RGS7: variants seen among roughly 807,000 people sequenced by gnomAD.
RGS7 encodes the protein regulator of G-protein signaling 7.
Under a neutral mutation model 81.1 loss-of-function variants are expected in RGS7, and 27 were observed. The ratio of observed to expected loss-of-function variants is 0.33; its 90% CI spans 0.25 to 0.46. The LOEUF is 0.46. RGS7 is among the 20% of genes least tolerant of loss of function. RGS7 has a pLI of 1.00. For missense variants in RGS7, 396 were observed against 607.4 expected, an observed-to-expected ratio of 0.65 and a Z score of 3.66; for synonymous variants, 208 against 207.7, an observed-to-expected ratio of 1.00 and a Z score of -0.01.
intron 6 of RGS7, among the ~76,000 whole-genome samples, chr1:240,872,526 A>C (rs183768462): frequency 1.3e-5 from 2 of 152,380 alleles, no homozygotes; most frequent in Non-Finnish European, 2.9e-5. Context: ...CAGTGTACAG[A>C]ATAATCTGGT....
intron 6 of RGS7, among the ~76,000 whole-genome samples, chr1:240,908,186 C>T (rs963321415): frequency 3.6e-5 from 4 of 109,732 alleles, no homozygotes; most frequent in African/African-American, 7.6e-5. Flanking sequence ...CATCACACAC[C>T]GGGGCCTGTC....
chr1:241,161,199 A>G (rs1257434093), intron 2 of RGS7, among the ~76,000 whole-genome samples: 1 of 152,194 alleles, frequency 6.6e-6, no homozygotes, highest in Admixed American at 6.5e-5. Context: ...TGAGGGAACT[A>G]AGCCAGGAGA....
intron 3 of RGS7, among the ~76,000 whole-genome samples, chr1:240,989,867 G>C (rs1480600095): frequency 1.3e-5 from 2 of 152,118 alleles, no homozygotes; most frequent in Non-Finnish European, 2.9e-5. Context: ...GAACTAAAGG[G>C]AAAGGATGTA....
chr1:240,801,380 A>C, intron 17 of RGS7, 75 bp downstream of exon 17: 1 of 928,986 alleles, frequency 1.1e-6, no homozygotes, highest in Non-Finnish European at 1.7e-6. Flanking sequence ...GGTGGGTAAC[A>C]GGGCTAGAAA....
intron 2 of RGS7, chr1:241,305,860 GC>G: frequency 3.2e-6 from 1 of 308,116 alleles, no homozygotes; most frequent in South Asian, 2.7e-5. Flanking sequence ...CTTTGTTGAG[GC>G]CCACGGCCAT....
At chr1:241,307,408 T>G (rs2080243632) in intron 2 of RGS7, among the ~76,000 whole-genome samples, 3 of 152,248 alleles carry the variant, frequency 2.0e-5, no homozygotes, top group African/African-American at 7.2e-5. Flanking sequence ...CAGGCTTTTT[T>G]GAGTGCATCA....
At chr1:240,889,762 A>T (rs184978276) in intron 6 of RGS7, among the ~76,000 whole-genome samples, 1 of 152,082 alleles carries the variant, frequency 6.6e-6, no homozygotes, top group Admixed American at 6.5e-5. Flanking sequence ...CTAACTAGAG[A>T]TCAGTCTGAT....
intron 4 of RGS7, among the ~76,000 whole-genome samples, chr1:240,951,435 TAAGA>T (rs1679541520): frequency 6.6e-6 from 1 of 152,122 alleles, no homozygotes; most frequent in Non-Finnish European, 1.5e-5. Flanking sequence ...AGAAAGATTC[TAAGA>T]AAGATATTCG....
intron 3 of RGS7, among the ~76,000 whole-genome samples, chr1:241,097,890 A>C (rs966598355): frequency 2.0e-5 from 3 of 152,166 alleles, no homozygotes; most frequent in African/African-American, 7.2e-5. Flanking sequence ...CAACAACAAA[A>C]AAATGAAATC....
intron 3 of RGS7, among the ~76,000 whole-genome samples, chr1:241,081,400 T>G (rs1474029225): frequency 3.3e-5 from 5 of 152,250 alleles, no homozygotes; most frequent in African/African-American, 1.2e-4. Flanking sequence ...AGAAAGTTGT[T>G]TGTTTATGCC....
At chr1:241,121,946 C>G (rs552470597) in intron 2 of RGS7, among the ~76,000 whole-genome samples, 58 of 152,188 alleles carry the variant, frequency 3.8e-4, no homozygotes, top group African/African-American at 1.3e-3. Flanking sequence ...TTACGCATTT[C>G]TCCCGTCTTA....
chr1:240,790,287 AT>A (rs1431344985), intron 18 of RGS7, among the ~76,000 whole-genome samples: 12 of 152,188 alleles, frequency 7.9e-5, no homozygotes, highest in Non-Finnish European at 7.4e-5. Context: ...AAATAAAAAA[AT>A]AAAATGAAGT....
chr1:240,966,832 G>A (rs557580458), intron 4 of RGS7, among the ~76,000 whole-genome samples: 3 of 152,264 alleles, frequency 2.0e-5, no homozygotes, highest in South Asian at 2.1e-4. Flanking sequence ...AACTATGAAC[G>A]TGGAAATGTC....
At chr1:240,880,279 C>A (rs750542871) in intron 6 of RGS7, among the ~76,000 whole-genome samples, 3 of 152,246 alleles carry the variant, frequency 2.0e-5, no homozygotes, top group Admixed American at 6.5e-5. Context: ...CGGGCTCCAG[C>A]AGTTCTCCCG....
intron 9 of RGS7, among the ~76,000 whole-genome samples, chr1:240,843,929 C>G (rs1375457406): frequency 2.6e-5 from 4 of 152,098 alleles, no homozygotes; most frequent in African/African-American, 9.7e-5. Flanking sequence ...AATGACTGCT[C>G]TCTGTGAAAT....
intron 6 of RGS7, among the ~76,000 whole-genome samples, chr1:240,907,750 C>T (rs1387366475): frequency 6.6e-6 from 1 of 152,146 alleles, no homozygotes; most frequent in Non-Finnish European, 1.5e-5. Flanking sequence ...GAGCAACGTT[C>T]TGTTTCCCCT....
At chr1:241,035,120 C>G (rs1168923502) in intron 3 of RGS7, among the ~76,000 whole-genome samples, 13 of 152,092 alleles carry the variant, frequency 8.5e-5, no homozygotes, top group Non-Finnish European at 1.9e-4. Context: ...AGGCATCATC[C>G]TTTCTGGGGT....
chr1:240,973,690 C>T (rs1005857104), intron 4 of RGS7, among the ~76,000 whole-genome samples: 3 of 151,840 alleles, frequency 2.0e-5, no homozygotes, highest in Non-Finnish European at 4.4e-5. Context: ...TCTGGGTTCA[C>T]GCCATTCTCC....
intron 3 of RGS7, among the ~76,000 whole-genome samples, chr1:241,059,530 T>C (rs2061639686): frequency 6.6e-6 from 1 of 152,160 alleles, no homozygotes; most frequent in Admixed American, 6.5e-5. Flanking sequence ...TAATAGTCTC[T>C]CCCAGAAGGC....
Sources: gnomAD v4.1 joint callset for allele counts (sites outside exome capture counted in the v4.1 genomes callset) on GRCh38, gnomAD v4.1.1 for gene constraint, MANE v1.5 for transcripts, NCBI Gene and HGNC (gene_info 2026-07-23, HGNC 2026-07-21) for gene names.